The following SOHLH2 variants were observed in gnomAD, a reference collection of about 807,000 sequenced individuals.
The protein encoded by SOHLH2 is spermatogenesis- and oogenesis-specific basic helix-loop-helix-containing protein 2.
Under a neutral mutation model 50.4 loss-of-function variants are expected in SOHLH2, and 22 were observed. The ratio of observed to expected loss-of-function variants is 0.44; its 90% CI spans 0.31 to 0.62. The LOEUF (loss-of-function observed/expected upper bound fraction) is 0.62. Among genes scored for constraint, SOHLH2 ranks in the 20% least tolerant of loss-of-function variants. SOHLH2 has a pLI of 0.08. For synonymous variants in SOHLH2, 185 were observed against 187.3 expected, an observed-to-expected ratio of 0.99 and a Z score of 0.10; for missense variants, 412 against 504.4, an observed-to-expected ratio of 0.82 and a Z score of 1.76.
chr13:36,186,816 C>G (rs566467425), intron 6 of SOHLH2, among the ~76,000 whole-genome samples: 1 of 152,176 alleles, frequency 6.6e-6, no homozygotes, highest in South Asian at 2.1e-4. Context: ...TTCCCAAGTG[C>G]AAAAATATTG....
In SOHLH2 at chr13:36,172,558, C is replaced by G. The variant is rs1029332530; in HGVS notation, c.1000+1134G>C. Among the ~76,000 whole-genome samples the G allele has an allele frequency of 4.6e-5, 7 of 152,380 alleles. No homozygotes were observed. The East Asian group carries it at 1.3e-3, about 29-fold the overall frequency. ...CCCATGGCTTCCGCCACATCCCCATCTGTGCATGGTTCCTCTACTACAGCA... is the reference window on the plus strand; with the variant it reads ...CCCATGGCTTCCGCCACATCCCCATGTGTGCATGGTTCCTCTACTACAGCA... On this transcript the variant is annotated intron_variant, in intron 9 of 10. Coordinates refer to ENST00000379881, the MANE Select transcript of SOHLH2 (RefSeq NM_017826.3).
At chr13:36,180,606 ATTT>A (rs143552466) in intron 6 of SOHLH2, among the ~76,000 whole-genome samples, 2 of 133,176 alleles carry the variant, frequency 1.5e-5, no homozygotes, top group South Asian at 2.3e-4. Flanking sequence ...TTTTCTTGTG[ATTT>A]TTTTTTTTTG....
chr13:36,196,127 AT>A (rs71198406), intron 2 of SOHLH2, among the ~76,000 whole-genome samples: 1,032 of 101,900 alleles, frequency 0.01, 19 homozygotes, highest in Admixed American at 0.045. Flanking sequence ...TAGATAGATA[AT>A]TTTTTTTTTT....
At chr13:36,197,101 T>C (rs776065894) in intron 2 of SOHLH2, among the ~76,000 whole-genome samples, 2 of 152,216 alleles carry the variant, frequency 1.3e-5, no homozygotes, top group Non-Finnish European at 2.9e-5. Context: ...CTGATAGTAC[T>C]TCCTCTTCTA....
At chr13:36,175,014 C>G in intron 6 of SOHLH2, 145 bp from the exon 7 acceptor site, 2 of 1,241,888 alleles carry the variant, frequency 1.6e-6, no homozygotes, top group Non-Finnish European at 2.1e-6. Context: ...AAGGCTGTGT[C>G]CCCACAAGCC....
At chr13:36,213,032 G>A (rs1051329715) in intron 1 of SOHLH2, among the ~76,000 whole-genome samples, 53 of 152,206 alleles carry the variant, frequency 3.5e-4, no homozygotes, top group Non-Finnish European at 2.6e-4. Flanking sequence ...GAGCAGAGCA[G>A]CCCACAATCA....
chr13:36,210,244 C>T (rs1411452284), intron 1 of SOHLH2, among the ~76,000 whole-genome samples: 1 of 152,164 alleles, frequency 6.6e-6, no homozygotes. Context: ...GTTCTGTACC[C>T]AGCTAATTCA....
At chr13:36,188,401 G>A (rs923103127) in intron 6 of SOHLH2, among the ~76,000 whole-genome samples, 1 of 152,162 alleles carries the variant, frequency 6.6e-6, no homozygotes, top group African/African-American at 2.4e-5. Context: ...GCATATTAAA[G>A]TCTGGCCTCT....
At chr13:36,170,253 G>A (rs1403545414) in intron 10 of SOHLH2, among the ~76,000 whole-genome samples, 2 of 152,186 alleles carry the variant, frequency 1.3e-5, no homozygotes, top group Non-Finnish European at 2.9e-5. Flanking sequence ...TGGGCAATCA[G>A]TGCTAGGGGA....
rs117739052 is a variant in SOHLH2 at position 36,200,664 on chromosome 13, C to G, written c.263+1215G>C. 1.6e-3 allele frequency among the ~76,000 whole-genome samples: 245 copies of G among 152,284 alleles called. 2 individuals are homozygous for G. Among genetic ancestry groups the G allele is most frequent in the Non-Finnish European group, 1.3e-3 (91 of 68,010 alleles). On this transcript the variant is annotated intron_variant, in intron 2 of 10. Coordinates refer to ENST00000379881, the MANE Select transcript of SOHLH2 (RefSeq NM_017826.3). Reference sequence around the variant, plus strand: ...GGAAGGAGAACAAATTTGCTCTGATCTAACCCTATCTAAATACATCCTAAG... The same window carrying G: ...GGAAGGAGAACAAATTTGCTCTGATGTAACCCTATCTAAATACATCCTAAG...
At chr13:36,183,432 G>T (rs1887314513) in intron 6 of SOHLH2, among the ~76,000 whole-genome samples, 1 of 152,054 alleles carries the variant, frequency 6.6e-6, no homozygotes, top group East Asian at 1.9e-4. Context: ...ATAATCCCTA[G>T]AGCAACCAAT....
intron 1 of SOHLH2, among the ~76,000 whole-genome samples, chr13:36,206,984 C>T (rs1444989212): frequency 1.3e-5 from 2 of 151,532 alleles, no homozygotes; most frequent in Non-Finnish European, 3.0e-5. Context: ...TACCTCCTTG[C>T]CCTTTAATGT....
chr13:36,177,290 T>G (rs1887120225), intron 6 of SOHLH2, among the ~76,000 whole-genome samples: 1 of 152,148 alleles, frequency 6.6e-6, no homozygotes, highest in Non-Finnish European at 1.5e-5. Flanking sequence ...TTCAAAAATA[T>G]ATAAATATGC....
chr13:36,185,945 C>A (rs1356425558), intron 6 of SOHLH2, among the ~76,000 whole-genome samples: 1 of 152,168 alleles, frequency 6.6e-6, no homozygotes, highest in Non-Finnish European at 1.5e-5. Context: ...CATAACATTT[C>A]TACACAAATT....
At chr13:36,201,048 C>CAAAAAAAAAAAAAAA (rs10660002) in intron 2 of SOHLH2, among the ~76,000 whole-genome samples, 20 of 55,932 alleles carry the variant, frequency 3.6e-4, no homozygotes, top group Admixed American at 4.7e-4. Flanking sequence ...GACTCTGCCT[C>CAAAAAAAAAAAAAAA]AAAAAAAAAA....
intron 1 of SOHLH2, among the ~76,000 whole-genome samples, chr13:36,209,804 T>C (rs528716761): frequency 1.3e-5 from 2 of 152,306 alleles, no homozygotes; most frequent in East Asian, 3.9e-4. Flanking sequence ...TAAATATGAA[T>C]CAAGAACTAA....
At chr13:36,178,018 G>T (rs193086403) in intron 6 of SOHLH2, among the ~76,000 whole-genome samples, 2 of 151,842 alleles carry the variant, frequency 1.3e-5, no homozygotes, top group East Asian at 3.9e-4. Context: ...CTATTTTCTT[G>T]TAGAACTGTA....
At chr13:36,187,040 G>A (rs1887441401) in intron 6 of SOHLH2, among the ~76,000 whole-genome samples, 1 of 152,098 alleles carries the variant, frequency 6.6e-6, no homozygotes, top group Admixed American at 6.5e-5. Flanking sequence ...TTTACCTCCT[G>A]GGAGCTCCCA....
At chr13:36,210,905 C>T (rs967533963) in intron 1 of SOHLH2, among the ~76,000 whole-genome samples, 2 of 152,164 alleles carry the variant, frequency 1.3e-5, no homozygotes, top group Non-Finnish European at 2.9e-5. Flanking sequence ...TATAAACACT[C>T]CTCATTTCCA....
Sources: allele counts gnomAD v4.1 joint callset (sites outside exome capture counted in the v4.1 genomes callset), GRCh38; gene constraint gnomAD v4.1.1; transcripts MANE v1.5; gene names NCBI Gene and HGNC (gene_info 2026-07-23, HGNC 2026-07-21).